The following PDE4C variants were observed in gnomAD, a reference collection of about 807,000 sequenced individuals.
The protein encoded by PDE4C is 3',5'-cyclic-AMP phosphodiesterase 4C.
PDE4C carries 50 observed loss-of-function variants against 63.9 expected under a neutral mutation model. The observed-to-expected ratio is 0.78, with a 90% confidence interval of 0.62 to 0.99. The LOEUF is 0.99. PDE4C is among the 50% of genes least tolerant of loss of function. PDE4C has a pLI of 0.00. For synonymous variants in PDE4C, 377 were observed against 385.1 expected (o/e 0.98, Z 0.25); for missense variants, 777 against 899.1 (o/e 0.86, Z 1.74).
In PDE4C at chr19:18,216,262, T is replaced by C. The variant is rs550900376; in HGVS notation, c.1389+479A>G. On this transcript the variant is annotated intron_variant, in intron 12 of 14. Transcript: ENST00000262805. Reference sequence around the variant, plus strand: ...TGGGGTTTGGGCAGTCACTAGCCCCTTTTTTTTTTTTTTTGAGATGGAGTC... The same window carrying C: ...TGGGGTTTGGGCAGTCACTAGCCCCCTTTTTTTTTTTTTTGAGATGGAGTC... Among the ~76,000 whole-genome samples, 453 of 138,890 alleles carry C rather than the reference T, an allele frequency of 3.3e-3. 3 individuals are homozygous for C. Among genetic ancestry groups the C allele is most frequent in the Non-Finnish European group, 3.3e-3 (208 of 62,880 alleles). 91.1% of individuals were successfully genotyped at this position (138,890 alleles called of 152,430 possible).
intron 2 of PDE4C, among the ~76,000 whole-genome samples, chr19:18,221,880 C>T (rs1032391242): frequency 4.6e-5 from 7 of 152,184 alleles, no homozygotes; most frequent in Non-Finnish European, 1.0e-4. Flanking sequence ...CCCACCTCGG[C>T]CTCCCAAAGT....
At chr19:18,218,354 G>A (rs1267294158) in exon 10 of PDE4C, 1 of 1,614,260 alleles carries the variant, frequency 6.2e-7, no homozygotes, top group South Asian at 1.1e-5. Context: ...GGCGTAGCCA[G>A]CAGCACATGC....
At chr19:18,219,432 G>T (rs772125123) in intron 7 of PDE4C, 35 bp from the exon 8 acceptor site, 2 of 1,545,948 alleles carry the variant, frequency 1.3e-6, no homozygotes, top group South Asian at 1.3e-5. Context: ...CAGAGAAGCC[G>T]ATTTCACCTG....
At chr19:18,217,117 C>T in intron 11 of PDE4C, 1 of 473,646 alleles carries the variant, frequency 2.1e-6, no homozygotes, top group Non-Finnish European at 3.7e-6. Flanking sequence ...GAAGGCTCCT[C>T]ATGGACCCCC....
At chr19:18,228,385 T>C (rs1334402259), upstream of PDE4C, among the ~76,000 whole-genome samples, 1 of 152,072 alleles carries the variant, frequency 6.6e-6, no homozygotes. Context: ...AGACGAAACC[T>C]ACAAAGTGTG....
chr19:18,211,650 A>C, intron 14 of PDE4C, 109 bp downstream of exon 14: 2 of 1,274,178 alleles, frequency 1.6e-6, no homozygotes, highest in Middle Eastern at 1.9e-4. Context: ...CCCTTCAGGC[A>C]CACTCCCTGG....
Position 18,220,765 on chromosome 19 carries a change from C to T in PDE4C, c.499+109G>A, listed in dbSNP as rs1418402679. On this transcript the variant is annotated intron_variant, in intron 5 of 14. Coordinates refer to ENST00000262805, the Ensembl canonical transcript of PDE4C. This position sits in a 1 kb window ranked among gnomAD's most constrained non-coding sequence, Gnocchi z 5.1. ...GAGGGCGTTATTGTTTTTGCAGGGG[C>T]GGGGCTACAATTAGCCCCAGTATAA... The T allele has an allele frequency of 5.5e-6, 6 of 1,086,684 alleles. No homozygotes were observed. Among genetic ancestry groups the T allele is most frequent in the Non-Finnish European group, 8.3e-6 (6 of 721,034 alleles). The allele number at this position is 1,086,684 out of a possible 1,614,324, so 67.3% of individuals were successfully genotyped here.
chr19:18,213,446 G>A (rs755819687), exon 13 of PDE4C: 42 of 1,613,602 alleles, frequency 2.6e-5, no homozygotes, highest in Non-Finnish European at 3.6e-5. Context: ...TGGTCTTGAG[G>A]TCGGCCAGGA....
chr19:18,248,116 C>T (rs1969163050), intron 1 of PDE4C: 1 of 455,042 alleles, frequency 2.2e-6, no homozygotes, highest in South Asian at 1.6e-5. Flanking sequence ...CCTGAGACGC[C>T]CCCAAGCTCA....
upstream of PDE4C, chr19:18,252,412 GAGA>G (rs1460156935): frequency 5.0e-6 from 2 of 398,988 alleles, no homozygotes; most frequent in South Asian, 1.3e-4. Flanking sequence ...TGGGCGAAGG[GAGA>G]AGAAATCAGA....
At chr19:18,225,420 G>C (rs1968684101) in intron 1 of PDE4C, 1 of 152,370 alleles carries the variant, frequency 6.6e-6, no homozygotes, top group Admixed American at 6.5e-5. Flanking sequence ...CCCACTCCCT[G>C]GTTGAAATGG....
intron 1 of PDE4C, among the ~76,000 whole-genome samples, chr19:18,239,303 G>A (rs2148063950): frequency 6.6e-6 from 1 of 152,322 alleles, no homozygotes; most frequent in East Asian, 1.9e-4. Flanking sequence ...ATGAGATGCT[G>A]TTTCCAAGCA....
chr19:18,211,221 A>G (rs1412718375), exon 15 of PDE4C: 1 of 1,611,784 alleles, frequency 6.2e-7, no homozygotes, highest in African/African-American at 1.3e-5. Flanking sequence ...ATCTGGGTGG[A>G]CCAGGTCAGC....
At chr19:18,221,406 G>A in intron 2 of PDE4C, 109 bp from the exon 3 acceptor site, 1 of 1,176,386 alleles carries the variant, frequency 8.5e-7, no homozygotes, top group Non-Finnish European at 1.2e-6. Context: ...TCTCCTCCAG[G>A]CTCCTTCTTA....
At chr19:18,233,654 A>G (rs541260357) in exon 1 of PDE4C, 1 of 377,532 alleles carries the variant, frequency 2.6e-6, no homozygotes, top group African/African-American at 2.1e-5. Context: ...CCGTGTTGAA[A>G]GAGAAAAAGG....
At chr19:18,252,028 A>G (rs1969236056), upstream of PDE4C, 1 of 398,140 alleles carries the variant, frequency 2.5e-6, no homozygotes, top group African/African-American at 2.1e-5. Context: ...TACACCCGCC[A>G]CCTCCCTACA....
At chr19:18,222,105 G>A in intron 2 of PDE4C, 27 bp downstream of exon 2, 2 of 1,581,120 alleles carry the variant, frequency 1.3e-6, no homozygotes, top group Non-Finnish European at 1.7e-6. Context: ...GGTAGAGGCG[G>A]TGTCATCCCA....
At chr19:18,229,210 A>G (rs1386520102), upstream of PDE4C, among the ~76,000 whole-genome samples, 1 of 149,738 alleles carries the variant, frequency 6.7e-6, no homozygotes, top group Non-Finnish European at 1.5e-5. Context: ...CAGCCTCCCA[A>G]AGTGCTGGGA....
At chr19:18,236,109 A>AT (rs1380629267), upstream of PDE4C, among the ~76,000 whole-genome samples, 1 of 150,328 alleles carries the variant, frequency 6.7e-6, no homozygotes, top group Non-Finnish European at 1.5e-5. Context: ...CGCCTGGCTA[A>AT]TTTTTTTGTA....
Sources: allele counts gnomAD v4.1 joint callset (sites outside exome capture counted in the v4.1 genomes callset), GRCh38; gene constraint gnomAD v4.1.1; non-coding constraint Gnocchi (gnomAD v3.1); transcripts MANE v1.5; gene names NCBI Gene and HGNC (gene_info 2026-07-23, HGNC 2026-07-21).